Variants in HERPUD1 observed in about 807,000 individuals in gnomAD.
The protein encoded by HERPUD1 is homocysteine inducible ER protein with ubiquitin like domain 1, also known as homocysteine-responsive endoplasmic reticulum-resident ubiquitin-like domain member 1 protein.
In HERPUD1, 17 loss-of-function variants were observed where a neutral mutation model predicts 45.0. The ratio of observed to expected loss-of-function variants is 0.38; its 90% CI spans 0.26 to 0.57. HERPUD1 has a LOEUF of 0.57. Among genes scored for constraint, HERPUD1 ranks in the 20% least tolerant of loss-of-function variants. The probability of loss-of-function intolerance (pLI) is 0.72; values close to 1 mark genes in which losing one functional copy is unlikely to be tolerated. For missense variants in HERPUD1, 420 were observed against 490.5 expected, an observed-to-expected ratio of 0.86 and a Z score of 1.36; for synonymous variants, 164 against 177.5, an observed-to-expected ratio of 0.92 and a Z score of 0.61.
At position 56,943,041 on chromosome 16, in the gene HERPUD1, G is replaced by T. The variant is rs528891523; in HGVS notation, c.1012-85G>T. On this transcript the variant is annotated intron_variant, in intron 7 of 7. Transcript: ENST00000439977. The stretch of plus-strand genomic sequence containing the variant: ...GGGGCAGGGGGCAGGGATTTACCCT[G>T]CCCTTTCCTAACATTATTTGGTGTT... 8 of 1,406,036 alleles carry T rather than the reference G, an allele frequency of 5.7e-6. No homozygotes were observed. The East Asian group carries it at 6.9e-5, about 12-fold the overall frequency. 87.1% of individuals were successfully genotyped at this position (1,406,036 alleles called of 1,614,324 possible).
In HERPUD1 at chr16:56,943,489, C is replaced by A; in HGVS notation, c.*199C>A. Reference sequence around the variant, plus strand: ...GGTGAACAAAAAATGCCCAAGGCTTCTCATGTCTTTATTCTGAAGAGCTTT... The same window carrying A: ...GGTGAACAAAAAATGCCCAAGGCTTATCATGTCTTTATTCTGAAGAGCTTT... On this transcript the variant is annotated 3_prime_UTR_variant, in exon 8 of 8. Transcript: ENST00000439977. The A allele has an allele frequency of 3.0e-6, 2 of 660,790 alleles. No individual in the cohort carries two copies. Among genetic ancestry groups the A allele is most frequent in the Non-Finnish European group, 2.7e-6 (1 of 366,968 alleles). The allele number at this position is 660,790 out of a possible 1,614,324, so 40.9% of individuals were successfully genotyped here. A position where few individuals can be genotyped will look rare whatever the true frequency, so the allele number is the denominator to read the frequency against.
intron 3 of HERPUD1, chr16:56,935,814 A>C (rs1350883747): frequency 4.5e-6 from 1 of 220,126 alleles, no homozygotes; most frequent in Non-Finnish European, 9.1e-6. Context: ...TCTTCAAAGG[A>C]GTCACTAATT....
chr16:56,941,531 G>A (rs2144826062), intron 6 of HERPUD1: 1 of 152,246 alleles, frequency 6.6e-6, no homozygotes, highest in East Asian at 1.9e-4. Context: ...TAGAGTGATG[G>A]GTCTTCGTGG....
intron 3 of HERPUD1, chr16:56,936,260 T>C (rs1471044294): frequency 6.5e-6 from 1 of 153,050 alleles, no homozygotes; most frequent in Non-Finnish European, 1.5e-5. Flanking sequence ...TTCATTTCCC[T>C]GCACTGTAAT....
chr16:56,933,206 A>G (rs2144814240), intron 1 of HERPUD1: 3 of 451,882 alleles, frequency 6.6e-6, no homozygotes, highest in South Asian at 1.6e-5. Context: ...ATAATTCTTC[A>G]TCACACAGGA....
intron 7 of HERPUD1, among the ~76,000 whole-genome samples, chr16:56,942,544 G>C (rs2055918715): frequency 6.6e-6 from 1 of 152,190 alleles, no homozygotes; most frequent in Non-Finnish European, 1.5e-5. Context: ...GGTATGAAGT[G>C]GTTAACTACT....
chr16:56,937,135 C>T (rs2055873189), intron 4 of HERPUD1: 1 of 195,474 alleles, frequency 5.1e-6, no homozygotes, highest in Non-Finnish European at 1.1e-5. Context: ...CAGGAGAAAA[C>T]AGCTGTCGTA....
chr16:56,942,048 G>A, intron 6 of HERPUD1, 84 bp from the exon 7 acceptor site: 1 of 1,040,128 alleles, frequency 9.6e-7, no homozygotes, highest in Non-Finnish European at 1.5e-6. Context: ...GTGCTGCTGT[G>A]ATTAGAGGTG....
chr16:56,943,068 A>T, intron 7 of HERPUD1, 58 bp from the exon 8 acceptor site: 1 of 1,545,872 alleles, frequency 6.5e-7, no homozygotes, highest in Non-Finnish European at 8.9e-7. Context: ...TTTGGTGTTC[A>T]TCATAGCCCT....
intron 1 of HERPUD1, chr16:56,933,179 C>T (rs2055840372): frequency 2.3e-6 from 1 of 443,356 alleles, no homozygotes; most frequent in Non-Finnish European, 4.5e-6. Context: ...CAGCAGTGTT[C>T]TTCACTGCCC....
chr16:56,934,958 C>T (rs975468290), intron 1 of HERPUD1: 13 of 345,684 alleles, frequency 3.8e-5, no homozygotes, highest in South Asian at 5.8e-5. Context: ...GTGATCTGCC[C>T]GCCTTGGCCT....
At chr16:56,935,772 G>A (rs1338512864) in intron 3 of HERPUD1, 3 of 316,878 alleles carry the variant, frequency 9.5e-6, no homozygotes, top group South Asian at 5.0e-5. Flanking sequence ...AACACTAATC[G>A]GGTTTTTATT....
chr16:56,936,844 T>G (rs1347367576), intron 4 of HERPUD1, 27 bp downstream of exon 4: 1 of 1,609,558 alleles, frequency 6.2e-7, no homozygotes, highest in Non-Finnish European at 8.5e-7. Context: ...AGATCTTGGC[T>G]TATGCAACAT....
At chr16:56,935,375 C>T (rs560205320) in intron 2 of HERPUD1, 26 bp from the exon 3 acceptor site, 2 of 1,613,530 alleles carry the variant, frequency 1.2e-6, no homozygotes, top group South Asian at 2.2e-5. Flanking sequence ...GGTTCAGGTC[C>T]TTAAGTACCT....
intron 1 of HERPUD1, among the ~76,000 whole-genome samples, chr16:56,932,598 C>T (rs1430621789): frequency 6.6e-6 from 1 of 152,274 alleles, no homozygotes; most frequent in African/African-American, 2.4e-5. Flanking sequence ...CAGTAATCAG[C>T]AGCCTGACCT....
At chr16:56,937,837 T>C (rs1424222606) in intron 4 of HERPUD1, among the ~76,000 whole-genome samples, 2 of 151,810 alleles carry the variant, frequency 1.3e-5, no homozygotes, top group African/African-American at 4.8e-5. Context: ...AAAGCTTACT[T>C]GTATTGGAAT....
At chr16:56,941,334 C>T (rs564355731) in intron 6 of HERPUD1, 16 of 152,324 alleles carry the variant, frequency 1.1e-4, no homozygotes, top group African/African-American at 3.6e-4. Context: ...TTTGTACCCT[C>T]TCTCCCCAGG....
intron 1 of HERPUD1, 76 bp downstream of exon 1, chr16:56,932,467 C>T: frequency 1.5e-6 from 2 of 1,334,178 alleles, no homozygotes; most frequent in Non-Finnish European, 2.0e-6. Flanking sequence ...TCCGGCTGCC[C>T]TGTCCTGTGG....
rs1280203733 is a variant in HERPUD1, at chr16:56,933,889, A to G, written c.148-1346A>G. Among the ~76,000 whole-genome samples the G allele has an allele frequency of 3.7e-4, 57 of 152,226 alleles. 2 individuals carry two copies. Among genetic ancestry groups the G allele is most frequent in the Non-Finnish European group, 1.2e-4 (8 of 68,032 alleles). The stretch of plus-strand genomic sequence containing the variant: ...AACTCTGTAATAAATGCAGGACCCT[A>G]CATATACAAAAGGTACTGTTTTCCA... On this transcript the variant is annotated intron_variant, in intron 1 of 7. Transcript: ENST00000439977.
Sources: gnomAD v4.1 joint callset for allele counts (sites outside exome capture counted in the v4.1 genomes callset) on GRCh38, gnomAD v4.1.1 for gene constraint, MANE v1.5 for transcripts, NCBI Gene and HGNC (gene_info 2026-07-23, HGNC 2026-07-21) for gene names.